Variants in WWC1 observed in about 807,000 individuals in gnomAD.
WWC1 encodes protein KIBRA.
A neutral mutation model predicts 138.4 loss-of-function variants in WWC1; 55 were observed. The observed-to-expected ratio is 0.40, with a 90% CI of 0.32 to 0.50. The LOEUF (loss-of-function observed/expected upper bound fraction) is 0.50, where lower values mean the gene tolerates loss of function less well. WWC1 is among the 20% of genes least tolerant of loss of function. The pLI, the probability that WWC1 is intolerant of heterozygous loss-of-function variation, is 0.72. For synonymous variants in WWC1, 524 were observed against 564.9 expected (o/e 0.93, Z 1.03); for missense variants, 1,226 against 1,420.4 (o/e 0.86, Z 2.20).
chr5:168,445,917 A>G (rs1341840258), intron 17 of WWC1, among the ~76,000 whole-genome samples: 1 of 152,070 alleles, frequency 6.6e-6, no homozygotes, highest in African/African-American at 2.4e-5. Context: ...AAGACAAAAG[A>G]GAGCATGCCT....
chr5:168,330,499 A>G (rs2152766354), intron 1 of WWC1, among the ~76,000 whole-genome samples: 1 of 152,296 alleles, frequency 6.6e-6, no homozygotes, highest in Admixed American at 6.5e-5. Context: ...TTTTCTCAAC[A>G]CTGTCAATTG....
chr5:168,432,267 T>C (rs1305226935), intron 15 of WWC1, among the ~76,000 whole-genome samples: 1 of 152,168 alleles, frequency 6.6e-6, no homozygotes, highest in Non-Finnish European at 1.5e-5. Context: ...AAACACCTAT[T>C]CAAGTGTCTG....
chr5:168,292,374 C>T lies in WWC1; in HGVS notation c.119+103C>T. ...ACTGGGAGGGGGCAGGGGAGCTCTG[C>T]GTGCCTCTTGAGCTCTCTTCAGTTC... On this transcript the variant is annotated intron_variant, in intron 1 of 22. Transcript: ENST00000265293. The surrounding 1 kb of genome is among the most constrained non-coding windows in gnomAD (Gnocchi z 4.4). The T allele has an allele frequency of 2.2e-6, 3 of 1,370,524 alleles. No homozygotes were observed. Among genetic ancestry groups the T allele is most frequent in the African/African-American group, 1.5e-5 (1 of 66,512 alleles). The allele number at this position is 1,370,524 out of a possible 1,614,324, so 84.9% of individuals were successfully genotyped here.
At chr5:168,355,494 C>CAAA (rs564674062) in intron 1 of WWC1, among the ~76,000 whole-genome samples, 105 of 66,432 alleles carry the variant, frequency 1.6e-3, no homozygotes, top group Admixed American at 2.1e-3. Flanking sequence ...GACTCCGTCT[C>CAAA]AAAAAAAAAA....
intron 1 of WWC1, among the ~76,000 whole-genome samples, chr5:168,299,189 A>G (rs1217468652): frequency 6.6e-6 from 1 of 152,248 alleles, no homozygotes; most frequent in Admixed American, 6.5e-5. Flanking sequence ...TACTAGCTGT[A>G]GCCTGGTCTG....
At chr5:168,374,641 C>T (rs181373256) in intron 2 of WWC1, among the ~76,000 whole-genome samples, 3 of 152,260 alleles carry the variant, frequency 2.0e-5, no homozygotes, top group East Asian at 3.9e-4. Context: ...CTAGCTCTTC[C>T]GCTGTGTGAG....
intron 1 of WWC1, among the ~76,000 whole-genome samples, chr5:168,324,224 A>C (rs1772347925): frequency 6.6e-6 from 1 of 152,180 alleles, no homozygotes; most frequent in Non-Finnish European, 1.5e-5. Flanking sequence ...TCATGACGTC[A>C]GGAGTTTGAG....
chr5:168,454,688 G>A (rs570536617), intron 18 of WWC1, among the ~76,000 whole-genome samples: 2 of 152,314 alleles, frequency 1.3e-5, no homozygotes, highest in East Asian at 3.9e-4. Context: ...GAGGTGCCTG[G>A]ACACGGCAGG....
chr5:168,459,679 C>G (rs532327214), intron 19 of WWC1, among the ~76,000 whole-genome samples: 2 of 152,310 alleles, frequency 1.3e-5, no homozygotes, highest in South Asian at 4.2e-4. Context: ...CAGTCTGTCC[C>G]TGGAGTTGCT....
At chr5:168,414,884 ACT>A in intron 9 of WWC1, 1 of 356,830 alleles carries the variant, frequency 2.8e-6, no homozygotes, top group Non-Finnish European at 5.1e-6. Flanking sequence ...ACTCTATATA[ACT>A]TAAAGCAGTC....
At chr5:168,314,940 G>A (rs951470835) in intron 1 of WWC1, among the ~76,000 whole-genome samples, 1 of 152,170 alleles carries the variant, frequency 6.6e-6, no homozygotes, top group Non-Finnish European at 1.5e-5. Context: ...TCGGAAGCAC[G>A]GACCTTGCCC....
chr5:168,465,019 G>A (rs1757138531), intron 21 of WWC1, 57 bp downstream of exon 21: 31 of 1,580,144 alleles, frequency 2.0e-5, no homozygotes, highest in Middle Eastern at 2.3e-4. Flanking sequence ...GAGTCGGGGG[G>A]CACTGCCCCG....
At chr5:168,458,411 C>T (rs1756518558) in intron 19 of WWC1, among the ~76,000 whole-genome samples, 1 of 152,168 alleles carries the variant, frequency 6.6e-6, no homozygotes, top group African/African-American at 2.4e-5. Context: ...TAGCCCCTTC[C>T]ACTGGCCTCT....
chr5:168,352,609 A>G (rs1461018491), intron 1 of WWC1, among the ~76,000 whole-genome samples: 6 of 147,302 alleles, frequency 4.1e-5, no homozygotes, highest in African/African-American at 1.5e-4. Context: ...TTTGAGATGG[A>G]GTCTTACTCT....
intron 3 of WWC1, among the ~76,000 whole-genome samples, chr5:168,388,948 A>G (rs1000828047): frequency 2.6e-5 from 4 of 152,188 alleles, no homozygotes; most frequent in African/African-American, 9.7e-5. Flanking sequence ...GCTTATTGTG[A>G]ACCACCCTAA....
intron 1 of WWC1, among the ~76,000 whole-genome samples, chr5:168,329,501 G>A (rs1156966855): frequency 6.6e-6 from 1 of 152,158 alleles, no homozygotes; most frequent in Non-Finnish European, 1.5e-5. Flanking sequence ...TAGGAGGTGA[G>A]GGGAGAAGGA....
At chr5:168,351,489 C>T (rs986023826) in intron 1 of WWC1, among the ~76,000 whole-genome samples, 1 of 152,154 alleles carries the variant, frequency 6.6e-6, no homozygotes, top group Non-Finnish European at 1.5e-5. Context: ...GAAGCGACTT[C>T]CACTCTAGGA....
In WWC1 at chr5:168,292,129, G is replaced by A. The variant is rs1212756658; in HGVS notation, c.-24G>A. 6.5e-7 allele frequency: 1 copy of A among 1,532,392 alleles called. No homozygotes were observed. Among genetic ancestry groups the A allele is most frequent in the Non-Finnish European group, 8.8e-7 (1 of 1,139,400 alleles). The allele number at this position is 1,532,392 out of a possible 1,614,324, so 94.9% of individuals were successfully genotyped here. On this transcript the variant is annotated 5_prime_UTR_variant, in exon 1 of 23. Coordinates refer to ENST00000265293, the MANE Select transcript of WWC1 (RefSeq NM_015238.3). The surrounding 1 kb of genome is among the most constrained non-coding windows in gnomAD (Gnocchi z 4.4). ...CCGCTGCGGCCGGGAGCTGCATGGG[G>A]GAGCGCCGGCAGCGCTTGGGAAGAT...
chr5:168,414,650 C>A, intron 9 of WWC1, 60 bp downstream of exon 9: 1 of 1,484,264 alleles, frequency 6.7e-7, no homozygotes, highest in African/African-American at 1.4e-5. Context: ...TGTCCTCAGC[C>A]CCCAGATGGG....
Sources: gnomAD v4.1 joint callset for allele counts (sites outside exome capture counted in the v4.1 genomes callset) on GRCh38, gnomAD v4.1.1 for gene constraint, Gnocchi (gnomAD v3.1) non-coding constraint, MANE v1.5 for transcripts, NCBI Gene and HGNC (gene_info 2026-07-23, HGNC 2026-07-21) for gene names.